Variants in KCNN2 observed in about 807,000 individuals in gnomAD.
KCNN2 encodes the protein small conductance calcium-activated potassium channel protein 2.
In KCNN2, 24 loss-of-function variants were observed where a neutral mutation model predicts 55.5. That is an observed-to-expected ratio of 0.43 (90% CI 0.31 to 0.61). The LOEUF (loss-of-function observed/expected upper bound fraction) is 0.61. Among genes scored for constraint, KCNN2 ranks in the 20% least tolerant of loss-of-function variants. The pLI is 0.08. For synonymous variants in KCNN2, 431 were observed against 336.1 expected, an observed-to-expected ratio of 1.28 and a Z score of -3.09; for missense variants, 754 against 853.6, an observed-to-expected ratio of 0.88 and a Z score of 1.45.
intron 2 of KCNN2, among the ~76,000 whole-genome samples, chr5:114,298,491 A>T (rs1756080969): frequency 6.6e-6 from 1 of 152,212 alleles, no homozygotes; most frequent in Non-Finnish European, 1.5e-5. Flanking sequence ...CAGGAGATGA[A>T]AAACCAAATT....
At chr5:114,302,958 G>T (rs1376513037) in intron 2 of KCNN2, among the ~76,000 whole-genome samples, 1 of 152,192 alleles carries the variant, frequency 6.6e-6, no homozygotes, top group Non-Finnish European at 1.5e-5. Flanking sequence ...ACCAGAAGAG[G>T]CTCCATAGAC....
chr5:114,159,638 T>G (rs1752721644), intron 1 of KCNN2, among the ~76,000 whole-genome samples: 1 of 152,128 alleles, frequency 6.6e-6, no homozygotes. Flanking sequence ...GGTCCTGGAC[T>G]TTTTTTGGTT....
chr5:114,113,277 A>G (rs554804841), intron 1 of KCNN2, among the ~76,000 whole-genome samples: 2 of 152,118 alleles, frequency 1.3e-5, no homozygotes, highest in South Asian at 4.1e-4. Flanking sequence ...TCAGCTGCCT[A>G]GGATCTTTCA....
At chr5:114,491,199 C>T (rs1361884700) in intron 6 of KCNN2, among the ~76,000 whole-genome samples, 1 of 152,114 alleles carries the variant, frequency 6.6e-6, no homozygotes, top group African/African-American at 2.4e-5. Context: ...AAGAAACTGC[C>T]ACTGGCCCTT....
At position 114,088,352 on chromosome 5, in the gene KCNN2, T is replaced by C. The variant is rs568033460; in HGVS notation, c.-271+31852T>C. On this transcript the variant is annotated intron_variant, in intron 1 of 10. Coordinates refer to the KCNN2 transcript ENST00000512097. Reference sequence around the variant, plus strand: ...TCATTAAGATTATGATGTGCTTTGATAGTATTTTTGTGTGTGTTTATCCTG... The same window carrying C: ...TCATTAAGATTATGATGTGCTTTGACAGTATTTTTGTGTGTGTTTATCCTG... Among the ~76,000 whole-genome samples, 154 of 152,086 alleles carry C rather than the reference T, an allele frequency of 1.0e-3. 1 individual carries two copies. Among genetic ancestry groups the C allele is most frequent in the African/African-American group, 3.6e-3 (148 of 41,568 alleles).
intron 2 of KCNN2, among the ~76,000 whole-genome samples, chr5:114,379,101 G>C (rs1402949825): frequency 6.6e-6 from 1 of 151,986 alleles, no homozygotes; most frequent in Admixed American, 6.6e-5. Context: ...TCCCAGCCTT[G>C]TCATTCCTCT....
intron 4 of KCNN2, among the ~76,000 whole-genome samples, chr5:114,472,840 T>C (rs1761813499): frequency 6.6e-6 from 1 of 152,234 alleles, no homozygotes; most frequent in Non-Finnish European, 1.5e-5. Flanking sequence ...TTTCCAAATA[T>C]GCTTTTGTTC....
At chr5:114,158,801 G>C (rs1414649443) in intron 1 of KCNN2, among the ~76,000 whole-genome samples, 2 of 151,808 alleles carry the variant, frequency 1.3e-5, no homozygotes, top group African/African-American at 4.9e-5. Context: ...TTGGCTCTCT[G>C]TTTGTCTGTT....
At chr5:114,484,505 A>G (rs1337990479) in intron 5 of KCNN2, among the ~76,000 whole-genome samples, 2 of 152,090 alleles carry the variant, frequency 1.3e-5, no homozygotes, top group South Asian at 2.1e-4. Flanking sequence ...ATTTCTCCCC[A>G]TTTTTCCTGG....
chr5:114,123,570 A>G (rs922903718), intron 1 of KCNN2, among the ~76,000 whole-genome samples: 1 of 75,072 alleles, frequency 1.3e-5, no homozygotes, highest in Non-Finnish European at 2.8e-5. Flanking sequence ...TCACTGTGTT[A>G]GCCAGAATGG....
At chr5:114,318,114 C>T (rs1442869888) in intron 2 of KCNN2, among the ~76,000 whole-genome samples, 2 of 152,200 alleles carry the variant, frequency 1.3e-5, no homozygotes, top group Non-Finnish European at 2.9e-5. Context: ...CACTGTCCTA[C>T]TCATCTCCTG....
intron 2 of KCNN2, among the ~76,000 whole-genome samples, chr5:114,276,540 T>C (rs963306460): frequency 6.6e-6 from 1 of 152,208 alleles, no homozygotes; most frequent in Non-Finnish European, 1.5e-5. Context: ...ATATTTAGGA[T>C]AGTTAGCTCT....
At chr5:114,405,526 G>A (rs1486194092) in intron 3 of KCNN2, among the ~76,000 whole-genome samples, 3 of 152,096 alleles carry the variant, frequency 2.0e-5, no homozygotes. Context: ...TGCCATTTAA[G>A]AAAAATAGAC....
rs546780452 is a variant in KCNN2, at chr5:114,423,321, G to A, written c.1637+18465G>A. 2.0e-5 allele frequency among the ~76,000 whole-genome samples: 3 copies of A among 152,126 alleles called. No individual in the cohort carries two copies. The East Asian group carries it at 5.8e-4, about 29-fold the overall frequency. On this transcript the variant is annotated intron_variant, in intron 3 of 7. Coordinates refer to ENST00000673685, the MANE Select transcript of KCNN2 (RefSeq NM_021614.4). ...CAGATTTAATTAAATGGGAATATGGGTTCCTACTCACCCCCACAGCCCCCA... is the reference window on the plus strand; with the variant it reads ...CAGATTTAATTAAATGGGAATATGGATTCCTACTCACCCCCACAGCCCCCA...
intron 2 of KCNN2, among the ~76,000 whole-genome samples, chr5:114,286,357 G>T (rs913905429): frequency 6.6e-6 from 1 of 152,116 alleles, no homozygotes; most frequent in Non-Finnish European, 1.5e-5. Context: ...TGCTCAACAT[G>T]TTAGTCTGAA....
intron 2 of KCNN2, among the ~76,000 whole-genome samples, chr5:114,367,541 A>T (rs1297518624): frequency 6.6e-6 from 1 of 152,158 alleles, no homozygotes; most frequent in Admixed American, 6.5e-5. Flanking sequence ...CATAATAGCG[A>T]TTATTTTTGT....
At chr5:114,172,990 A>T (rs1753067840) in intron 1 of KCNN2, among the ~76,000 whole-genome samples, 1 of 151,658 alleles carries the variant, frequency 6.6e-6, no homozygotes, top group Non-Finnish European at 1.5e-5. Flanking sequence ...GTGGGGTATT[A>T]CTCCAGAAAT....
At chr5:114,311,847 G>A (rs1043355510) in intron 2 of KCNN2, among the ~76,000 whole-genome samples, 1 of 152,154 alleles carries the variant, frequency 6.6e-6, no homozygotes, top group South Asian at 2.1e-4. Flanking sequence ...ATTTCTCTGA[G>A]CCTCAGTTCC....
chr5:114,122,914 A>G (rs72797637), intron 1 of KCNN2, among the ~76,000 whole-genome samples: 6,784 of 152,304 alleles, frequency 0.045, 213 homozygotes, highest in Middle Eastern at 0.068. Context: ...AGAACACGCT[A>G]TATTTTAAAA....
Sources: gnomAD v4.1 joint callset for allele counts (sites outside exome capture counted in the v4.1 genomes callset) on GRCh38, gnomAD v4.1.1 for gene constraint, MANE v1.5 for transcripts, NCBI Gene and HGNC (gene_info 2026-07-23, HGNC 2026-07-21) for gene names.